ARHGEF3: variants seen among roughly 807,000 people sequenced by gnomAD.
ARHGEF3 encodes the protein 59.8 kDA protein.
In ARHGEF3, 28 loss-of-function variants were observed where a neutral mutation model predicts 63.2. The ratio of observed to expected loss-of-function variants is 0.44; its 90% CI spans 0.33 to 0.61. ARHGEF3 has a LOEUF of 0.61. Ranked by LOEUF, ARHGEF3 falls within the 20% of genes least tolerant of loss-of-function variation. ARHGEF3 has a pLI of 0.03. For synonymous variants in ARHGEF3, 266 were observed against 254.2 expected (o/e 1.05, Z -0.44); for missense variants, 533 against 659.3 (o/e 0.81, Z 2.10).
chr3:56,926,824 G>T (rs2042287362), intron 3 of ARHGEF3, among the ~76,000 whole-genome samples: 1 of 152,238 alleles, frequency 6.6e-6, no homozygotes, highest in African/African-American at 2.4e-5. Context: ...GAATGTGTGT[G>T]GTTGAGCCAC....
chr3:56,776,406 G>A (rs762017725), intron 1 of ARHGEF3, among the ~76,000 whole-genome samples: 20 of 152,160 alleles, frequency 1.3e-4, no homozygotes, highest in African/African-American at 4.3e-4. Flanking sequence ...ACCAGAAGCC[G>A]TTGCTGTGTG....
chr3:56,887,665 G>A (rs1000665244), intron 3 of ARHGEF3, among the ~76,000 whole-genome samples: 1 of 152,188 alleles, frequency 6.6e-6, no homozygotes, highest in East Asian at 1.9e-4. Context: ...TGCACACTTG[G>A]TCTGACAGGT....
intron 1 of ARHGEF3, among the ~76,000 whole-genome samples, chr3:56,784,779 T>C (rs1175848831): frequency 6.6e-6 from 1 of 152,196 alleles, no homozygotes; most frequent in Non-Finnish European, 1.5e-5. Flanking sequence ...ATTGATTCTT[T>C]GCAAAGGATC....
rs74469030 is a variant in ARHGEF3 at position 56,834,372 on chromosome 3, A to C, written c.192+47920T>G. On this transcript the variant is annotated intron_variant, in intron 4 of 12. Coordinates refer to the ARHGEF3 transcript ENST00000338458. ...TATTGTAAAAGATGAGGTTCATAGTAAGAAAAACTAGAAGCATACTATATA... is the reference window on the plus strand; with the variant it reads ...TATTGTAAAAGATGAGGTTCATAGTCAGAAAAACTAGAAGCATACTATATA... Among the ~76,000 whole-genome samples the C allele has an allele frequency of 2.1e-4, 32 of 152,328 alleles. No homozygotes were observed. The East Asian group carries it at 5.8e-3, about 28-fold the overall frequency.
At chr3:56,737,466 G>A in intron 7 of ARHGEF3, 111 bp from the exon 8 acceptor site, 1 of 688,798 alleles carries the variant, frequency 1.5e-6, no homozygotes, top group Non-Finnish European at 2.2e-6. Flanking sequence ...ATCTAACTCT[G>A]TTATCTAAGT....
At chr3:57,013,110 A>G (rs1475937648) in intron 2 of ARHGEF3, among the ~76,000 whole-genome samples, 1 of 152,192 alleles carries the variant, frequency 6.6e-6, no homozygotes, top group Non-Finnish European at 1.5e-5. Flanking sequence ...CCCGCTGGGC[A>G]GGGCTTGGGA....
intron 2 of ARHGEF3, among the ~76,000 whole-genome samples, chr3:57,011,883 C>T (rs1702716938): frequency 6.6e-6 from 1 of 152,144 alleles, no homozygotes; most frequent in Admixed American, 6.6e-5. Context: ...CTCTGATTTG[C>T]ACTATGAGGA....
intron 1 of ARHGEF3, among the ~76,000 whole-genome samples, chr3:56,795,411 C>T (rs1260685421): frequency 6.6e-6 from 1 of 152,152 alleles, no homozygotes; most frequent in African/African-American, 2.4e-5. Flanking sequence ...CTACTCCTTT[C>T]CTCCTCATCT....
At chr3:56,876,411 G>A (rs1377336143) in intron 4 of ARHGEF3, among the ~76,000 whole-genome samples, 2 of 152,178 alleles carry the variant, frequency 1.3e-5, no homozygotes, top group African/African-American at 4.8e-5. Context: ...GGGTCTTGCA[G>A]TCATGTTAGT....
intron 1 of ARHGEF3, among the ~76,000 whole-genome samples, chr3:56,785,989 AAC>A (rs1335977186): frequency 1.3e-5 from 2 of 152,186 alleles, no homozygotes; most frequent in African/African-American, 4.8e-5. Context: ...TCCAGAAAGA[AAC>A]ACAAAATATG....
intron 4 of ARHGEF3, among the ~76,000 whole-genome samples, chr3:56,880,333 C>G (rs1235302874): frequency 1.3e-5 from 2 of 152,192 alleles, no homozygotes; most frequent in East Asian, 3.8e-4. Flanking sequence ...TCATCCGTAG[C>G]TGCACAAGGA....
chr3:57,074,197 T>C (rs1185463621), intron 1 of ARHGEF3: 7 of 1,614,072 alleles, frequency 4.3e-6, no homozygotes, highest in Non-Finnish European at 5.9e-6. Flanking sequence ...CAACTGACAT[T>C]TACTGAGGGC....
chr3:56,938,769 C>G (rs556170182), intron 3 of ARHGEF3: 1 of 152,352 alleles, frequency 6.6e-6, no homozygotes, highest in South Asian at 2.1e-4. Flanking sequence ...CCCTGAGTCT[C>G]TTTGATAAAG....
In ARHGEF3 at chr3:56,737,331, C is replaced by T. The variant is rs752297176; in HGVS notation, c.895G>A (p.Ala299Thr). Residue 299 changes from alanine to threonine, a missense_variant, in exon 8 of 10, where the codon GCA becomes ACA. Ala to Thr is a moderately conservative substitution (Grantham distance 58). Around this residue, in one of 4 missense-constraint regions of ARHGEF3, gnomAD observed 151 missense variants for 190.7 expected, o/e 0.79. Transcript: ENST00000296315. ...TCACCAGTCTTGGTGTTGATTTCTGCCACAATTCCCTGAATGATATTTATC... is the reference window on the plus strand; with the variant it reads ...TCACCAGTCTTGGTGTTGATTTCTGTCACAATTCCCTGAATGATATTTATC... ...EAINIIQGIVAEINTKTGESE... is the reference protein window; with the variant it reads ...EAINIIQGIVTEINTKTGESE... The T allele has an allele frequency of 1.4e-5, 23 of 1,612,212 alleles. No individual in the cohort carries two copies. The highest frequency in any genetic ancestry group is 2.0e-5 in the Non-Finnish European group (23 of 1,178,970).
At chr3:56,856,041 G>C (rs1254994727) in intron 4 of ARHGEF3, among the ~76,000 whole-genome samples, 2 of 152,210 alleles carry the variant, frequency 1.3e-5, no homozygotes, top group East Asian at 3.9e-4. Flanking sequence ...CAGAGAGCCT[G>C]CAGACCAGCA....
intron 3 of ARHGEF3, among the ~76,000 whole-genome samples, chr3:56,903,730 T>C (rs1560036754): frequency 6.6e-6 from 1 of 152,220 alleles, no homozygotes; most frequent in Non-Finnish European, 1.5e-5. Flanking sequence ...ACACAGGGCC[T>C]GCCTGCTTCT....
At chr3:56,917,264 C>T (rs940207855) in intron 3 of ARHGEF3, among the ~76,000 whole-genome samples, 1 of 152,188 alleles carries the variant, frequency 6.6e-6, no homozygotes, top group Non-Finnish European at 1.5e-5. Context: ...AGGTCTCAAA[C>T]TCAAGGAGAC....
intron 7 of ARHGEF3, 63 bp downstream of exon 7, chr3:56,745,142 C>A (rs143435713): frequency 0.014 from 21,968 of 1,561,092 alleles, 201 homozygotes; most frequent in Non-Finnish European, 0.017. Context: ...ACCCACTGAC[C>A]CAATCCACCA....
intron 2 of ARHGEF3, among the ~76,000 whole-genome samples, chr3:57,003,201 T>C (rs62253461): frequency 6.6e-6 from 1 of 150,554 alleles, no homozygotes; most frequent in South Asian, 2.1e-4. Context: ...GTCAAGAGAT[T>C]GAGACCATCT....
Sources: gnomAD v4.1 joint callset for allele counts (sites outside exome capture counted in the v4.1 genomes callset) on GRCh38, gnomAD v4.1.1 for gene constraint, gnomAD v4.1.1 regional missense constraint, MANE v1.5 for transcripts, NCBI Gene and HGNC (gene_info 2026-07-23, HGNC 2026-07-21) for gene names.